The following FAM171B variants were observed in gnomAD, a reference collection of about 807,000 sequenced individuals.
FAM171B encodes family with sequence similarity 171 member B.
FAM171B carries 19 observed loss-of-function variants against 75.6 expected under a neutral mutation model. The observed-to-expected ratio is 0.25, with a 90% CI of 0.18 to 0.37. The LOEUF (loss-of-function observed/expected upper bound fraction) is 0.37. Among genes scored for constraint, FAM171B ranks in the 10% least tolerant of loss-of-function variants. The probability of loss-of-function intolerance (pLI) is 1.00; values close to 1 mark genes in which losing one functional copy is unlikely to be tolerated. For missense variants in FAM171B, 848 were observed against 982.4 expected, an observed-to-expected ratio of 0.86 and a Z score of 1.83; for synonymous variants, 367 against 361.7, an observed-to-expected ratio of 1.01 and a Z score of -0.17.
At chr2:186,715,548 T>C (rs1348969824) in intron 1 of FAM171B, among the ~76,000 whole-genome samples, 1 of 152,096 alleles carries the variant, frequency 6.6e-6, no homozygotes, top group Non-Finnish European at 1.5e-5. Flanking sequence ...AGAGAGGACA[T>C]AAACATAAAA....
intron 1 of FAM171B, chr2:186,695,350 A>G (rs1292231636): frequency 6.6e-6 from 1 of 152,172 alleles, no homozygotes; most frequent in African/African-American, 2.4e-5. Flanking sequence ...ACTTCGCTTC[A>G]TGGCTGTAGA....
At chr2:186,722,151 T>G (rs929022443) in intron 1 of FAM171B, among the ~76,000 whole-genome samples, 2 of 152,220 alleles carry the variant, frequency 1.3e-5, no homozygotes, top group Admixed American at 1.3e-4. Context: ...AGTATTATTG[T>G]GCTTGCATGG....
At chr2:186,707,594 T>G (rs1481621249) in intron 1 of FAM171B, among the ~76,000 whole-genome samples, 1 of 152,174 alleles carries the variant, frequency 6.6e-6, no homozygotes, top group African/African-American at 2.4e-5. Flanking sequence ...AATCGTAATG[T>G]GACCTGTAAG....
chr2:186,741,062 TTATGC>T (rs1406625997), intron 2 of FAM171B, among the ~76,000 whole-genome samples: 4 of 152,278 alleles, frequency 2.6e-5, no homozygotes, highest in Admixed American at 2.0e-4. Flanking sequence ...GTGAGTGATA[TTATGC>T]TATAAGTTGT....
rs1444868392 is a variant in FAM171B, at chr2:186,740,156, A to G, written c.239-72A>G. The stretch of plus-strand genomic sequence containing the variant: ...TTGTACTGTTATTTAGATATGTTGA[A>G]TGACATTTAAAGACTATGACATATG... On this transcript the variant is annotated intron_variant, in intron 1 of 7. Transcript: ENST00000304698. 7 of 1,039,004 alleles carry G rather than the reference A, an allele frequency of 6.7e-6. No homozygotes were observed. In the East Asian group the frequency reaches 1.2e-4, roughly 18 times the overall value. The allele number at this position is 1,039,004 out of a possible 1,614,324, so 64.4% of individuals were successfully genotyped here. A position where few individuals can be genotyped will look rare whatever the true frequency, so the allele number is the denominator to read the frequency against.
intron 6 of FAM171B, among the ~76,000 whole-genome samples, chr2:186,759,201 G>T (rs1015157972): frequency 6.6e-6 from 1 of 152,098 alleles, no homozygotes; most frequent in Non-Finnish European, 1.5e-5. Flanking sequence ...TTCATCTGTT[G>T]ATAGACACTT....
At chr2:186,694,748 AACACACACACACACACACACACAC>A (rs57171143) in intron 1 of FAM171B, among the ~76,000 whole-genome samples, 2 of 133,306 alleles carry the variant, frequency 1.5e-5, no homozygotes, top group Non-Finnish European at 3.2e-5. Context: ...GAATGACTGT[AACACACACACACACACACACACAC>A]ACACACACAC....
intron 5 of FAM171B, among the ~76,000 whole-genome samples, chr2:186,752,588 A>G (rs1690471996): frequency 6.6e-6 from 1 of 152,170 alleles, no homozygotes; most frequent in African/African-American, 2.4e-5. Context: ...AGGCACTTAA[A>G]AAAAGAATAT....
intron 6 of FAM171B, among the ~76,000 whole-genome samples, chr2:186,759,412 C>T (rs900327188): frequency 6.6e-6 from 1 of 152,056 alleles, no homozygotes; most frequent in Non-Finnish European, 1.5e-5. Context: ...TTTTGAGGAA[C>T]ATCCTAATTG....
intron 1 of FAM171B, among the ~76,000 whole-genome samples, chr2:186,721,971 A>G (rs948819298): frequency 4.6e-5 from 7 of 152,006 alleles, no homozygotes; most frequent in African/African-American, 1.2e-4. Context: ...AAGATTGAAC[A>G]TTTCCACCTT....
intron 1 of FAM171B, among the ~76,000 whole-genome samples, chr2:186,719,306 G>T (rs546156888): frequency 1.1e-4 from 16 of 152,164 alleles, no homozygotes. Context: ...TTTCTTCATT[G>T]ATCTAAACAT....
At chr2:186,699,120 T>G (rs753238425) in intron 1 of FAM171B, among the ~76,000 whole-genome samples, 69 of 152,156 alleles carry the variant, frequency 4.5e-4, no homozygotes, top group Middle Eastern at 3.2e-3. Context: ...ATATACTGAT[T>G]TACTTTCTTT....
Position 186,763,118 on chromosome 2 carries a change from A to G in FAM171B, c.*295A>G. 1 of 303,944 alleles carries G rather than the reference A, an allele frequency of 3.3e-6. No individual in the cohort carries two copies. Among genetic ancestry groups the G allele is most frequent in the Non-Finnish European group, 6.1e-6 (1 of 163,004 alleles). The allele number at this position is 303,944 out of a possible 1,614,324, so 18.8% of individuals were successfully genotyped here. On this transcript the variant is annotated 3_prime_UTR_variant, in exon 8 of 8. Coordinates refer to ENST00000304698, the MANE Select transcript of FAM171B (RefSeq NM_177454.4). ...TGCTCAGCCAGCCAGTTTGGCCTTGACTCTCTTAAGAATAACAGTGAAATA... is the reference window on the plus strand; with the variant it reads ...TGCTCAGCCAGCCAGTTTGGCCTTGGCTCTCTTAAGAATAACAGTGAAATA...
At chr2:186,707,843 A>ATTT (rs1559081564) in intron 1 of FAM171B, among the ~76,000 whole-genome samples, 12 of 141,402 alleles carry the variant, frequency 8.5e-5, no homozygotes, top group East Asian at 6.1e-4. Flanking sequence ...TTTTTTTTTA[A>ATTT]AAAAAAAAAA....
chr2:186,714,245 A>G (rs932711052), intron 1 of FAM171B, among the ~76,000 whole-genome samples: 1 of 152,150 alleles, frequency 6.6e-6, no homozygotes, highest in African/African-American at 2.4e-5. Context: ...ATTGATTAAT[A>G]TATTGATTAG....
chr2:186,729,771 G>C (rs1261473499), intron 1 of FAM171B, among the ~76,000 whole-genome samples: 1 of 152,114 alleles, frequency 6.6e-6, no homozygotes, highest in Non-Finnish European at 1.5e-5. Flanking sequence ...GAGAGTCAGT[G>C]AATGAGAATT....
At chr2:186,719,255 C>T (rs1372724220) in intron 1 of FAM171B, among the ~76,000 whole-genome samples, 1 of 152,200 alleles carries the variant, frequency 6.6e-6, no homozygotes, top group African/African-American at 2.4e-5. Flanking sequence ...TTCTAAAAGA[C>T]ATGCCGAAGC....
At chr2:186,697,487 C>T (rs1450546058) in intron 1 of FAM171B, among the ~76,000 whole-genome samples, 1 of 152,128 alleles carries the variant, frequency 6.6e-6, no homozygotes, top group Non-Finnish European at 1.5e-5. Flanking sequence ...ACTCTGGGCT[C>T]AAGCAATCCT....
intron 4 of FAM171B, among the ~76,000 whole-genome samples, chr2:186,750,836 T>G: frequency 6.6e-6 from 1 of 152,158 alleles, no homozygotes; most frequent in East Asian, 1.9e-4. Flanking sequence ...GGGGTTTTTT[T>G]GGTTGTTGCT....
Sources: allele counts gnomAD v4.1 joint callset (sites outside exome capture counted in the v4.1 genomes callset), GRCh38; gene constraint gnomAD v4.1.1; transcripts MANE v1.5; gene names NCBI Gene and HGNC (gene_info 2026-07-23, HGNC 2026-07-21).